The following TXNDC15 variants were observed in gnomAD, a reference collection of about 807,000 sequenced individuals.
The protein encoded by TXNDC15 is thioredoxin domain-containing protein 15.
Under a neutral mutation model 35.0 loss-of-function variants are expected in TXNDC15, and 24 were observed. The observed-to-expected ratio is 0.68, with a 90% confidence interval of 0.50 to 0.96. The LOEUF is 0.96. TXNDC15 is among the 40% of genes least tolerant of loss of function. The pLI is 0.00. For missense variants in TXNDC15, 385 were observed against 453.3 expected, an observed-to-expected ratio of 0.85 and a Z score of 1.37; for synonymous variants, 169 against 174.0, an observed-to-expected ratio of 0.97 and a Z score of 0.23.
chr5:134,875,463 C>T, intron 1 of TXNDC15: 1 of 444,712 alleles, frequency 2.2e-6, no homozygotes, highest in Non-Finnish European at 4.5e-6. Flanking sequence ...GTGCTCAGTG[C>T]TTTACGAGCA....
intron 1 of TXNDC15, among the ~76,000 whole-genome samples, chr5:134,876,187 T>C (rs1402722011): frequency 6.6e-6 from 1 of 152,160 alleles, no homozygotes; most frequent in African/African-American, 2.4e-5. Context: ...GGGTTGGATA[T>C]CTTCTGTTTC....
intron 3 of TXNDC15, among the ~76,000 whole-genome samples, chr5:134,895,622 A>G (rs557511906): frequency 1.3e-4 from 20 of 152,350 alleles, no homozygotes; most frequent in African/African-American, 4.1e-4. Context: ...CTGGTTATAC[A>G]CTATTACTAT....
At position 134,901,249 on chromosome 5, in the gene TXNDC15, C is replaced by T. The variant is rs1433908788; in HGVS notation, c.*1564C>T. Reference sequence around the variant, plus strand: ...ACCCTAAATTCTATAGAAATAAAACCTCAGATGAGTCTCCTTCTTAGAGTG... The same window carrying T: ...ACCCTAAATTCTATAGAAATAAAACTTCAGATGAGTCTCCTTCTTAGAGTG... On this transcript the variant is annotated 3_prime_UTR_variant, in exon 5 of 5. Transcript: ENST00000358387. The T allele has an allele frequency of 6.6e-6, 1 of 152,086 alleles. No homozygotes were observed. Among genetic ancestry groups the T allele is most frequent in the African/African-American group, 2.4e-5 (1 of 41,388 alleles). 9.4% of individuals were successfully genotyped at this position (152,086 alleles called of 1,614,324 possible). A position where few individuals can be genotyped will look rare whatever the true frequency, so the allele number is the denominator to read the frequency against.
At chr5:134,882,231 C>T (rs1302669087) in intron 1 of TXNDC15, among the ~76,000 whole-genome samples, 1 of 151,524 alleles carries the variant, frequency 6.6e-6, no homozygotes, top group Non-Finnish European at 1.5e-5. Context: ...GCGCTCCCCA[C>T]ATCTCAGACG....
intron 2 of TXNDC15, among the ~76,000 whole-genome samples, chr5:134,889,390 AT>A (rs1299097425): frequency 6.6e-6 from 1 of 152,032 alleles, no homozygotes; most frequent in Non-Finnish European, 1.5e-5. Flanking sequence ...CGCCTGGCTA[AT>A]TTTTGTATTT....
In TXNDC15 at chr5:134,874,456, C is replaced by A. The variant is rs769032888; in HGVS notation, c.29C>A (p.Pro10His). 11 of 1,604,680 alleles carry A rather than the reference C, an allele frequency of 6.9e-6. No individual in the cohort carries two copies. The East Asian group carries it at 2.5e-4, about 36-fold the overall frequency. MVPAAGRRP[P>H]RVMRLLGWWQ... ...GTCCCGGCTGCCGGTCGACGACCGC[C>A]CCGCGTCATGCGGCTCCTCGGCTGG... Residue 10 changes from proline (P) to histidine (H), a missense_variant, in exon 1 of 5, where the codon CCC (proline) becomes CAC (histidine). Coordinates refer to ENST00000358387, the MANE Select transcript of TXNDC15 (RefSeq NM_024715.4).
At chr5:134,890,220 A>G (rs1016075766) in intron 2 of TXNDC15, among the ~76,000 whole-genome samples, 1 of 150,968 alleles carries the variant, frequency 6.6e-6, no homozygotes, top group African/African-American at 2.4e-5. Flanking sequence ...TTTTTTGTAG[A>G]GATGAGGTCT....
intron 1 of TXNDC15, among the ~76,000 whole-genome samples, chr5:134,884,204 A>T (rs1488073504): frequency 7.2e-6 from 1 of 139,678 alleles, no homozygotes; most frequent in Non-Finnish European, 1.5e-5. Flanking sequence ...TGGACGATAG[A>T]GCAAGACTCA....
chr5:134,890,522 T>C (rs954243865), intron 2 of TXNDC15, among the ~76,000 whole-genome samples: 1 of 152,020 alleles, frequency 6.6e-6, no homozygotes, highest in Non-Finnish European at 1.5e-5. Context: ...ATTCTCCCAC[T>C]GCAGCCTCTC....
intron 2 of TXNDC15, among the ~76,000 whole-genome samples, chr5:134,889,532 G>A (rs1222697331): frequency 1.3e-5 from 2 of 152,182 alleles, no homozygotes; most frequent in African/African-American, 4.8e-5. Context: ...CTAGGACAGT[G>A]TACTCTTGAA....
At chr5:134,891,938 G>T (rs955391615) in intron 2 of TXNDC15, among the ~76,000 whole-genome samples, 1 of 151,892 alleles carries the variant, frequency 6.6e-6, no homozygotes, top group Non-Finnish European at 1.5e-5. Flanking sequence ...TAAATAATAA[G>T]ATTTATTGTT....
rs57805546 is a variant in TXNDC15 at position 134,879,794 on chromosome 5, C to CT, written c.103+5281dup. ...TTGCCACCTCTCCCTTCTTACCTGC[C>CT]TTTTTTTTTTTTTTTTTGGATACAG... On this transcript the variant is annotated intron_variant, in intron 1 of 4. Transcript: ENST00000358387. Among the ~76,000 whole-genome samples the CT allele has an allele frequency of 4.9e-3, 647 of 132,902 alleles. 8 individuals are homozygous for CT. The highest frequency in any genetic ancestry group is 0.03 in the East Asian group (143 of 4,752). 87.2% of individuals were successfully genotyped at this position (132,902 alleles called of 152,430 possible).
intron 2 of TXNDC15, 185 bp from the exon 3 acceptor site, chr5:134,893,307 A>G (rs1007712092): frequency 2.4e-5 from 14 of 575,366 alleles, no homozygotes; most frequent in Non-Finnish European, 3.6e-5. Flanking sequence ...TCATTTGATC[A>G]TACTTTTTTG....
chr5:134,882,390 C>T (rs1331518567), intron 1 of TXNDC15, among the ~76,000 whole-genome samples: 1 of 151,782 alleles, frequency 6.6e-6, no homozygotes, highest in Non-Finnish European at 1.5e-5. Context: ...CTCCTCACAT[C>T]CCAGACAATG....
intron 1 of TXNDC15, among the ~76,000 whole-genome samples, chr5:134,881,459 C>A (rs552187497): frequency 1.1e-5 from 1 of 88,562 alleles, no homozygotes; most frequent in Non-Finnish European, 2.2e-5. Context: ...ATCCATTTAA[C>A]CCTGAGTGGA....
At position 134,874,457 on chromosome 5, in the gene TXNDC15, C is replaced by T. The variant is rs1027656159; in HGVS notation, c.30C>T (p.Pro10=). MVPAAGRRP[P]RVMRLLGWWQ... is the part of the protein sequence containing the mutation. Reference sequence around the variant, plus strand: ...TCCCGGCTGCCGGTCGACGACCGCCCCGCGTCATGCGGCTCCTCGGCTGGT... The same window carrying T: ...TCCCGGCTGCCGGTCGACGACCGCCTCGCGTCATGCGGCTCCTCGGCTGGT... Residue 10 remains proline, a synonymous_variant, in exon 1 of 5, where the codon CCC becomes CCT. Transcript: ENST00000358387. The T allele has an allele frequency of 6.2e-7, 1 of 1,604,918 alleles. No homozygotes were observed. Among genetic ancestry groups the T allele is most frequent in the Non-Finnish European group, 8.5e-7 (1 of 1,177,728 alleles).
chr5:134,885,616 C>G (rs1199648937), intron 1 of TXNDC15, among the ~76,000 whole-genome samples: 1 of 152,200 alleles, frequency 6.6e-6, no homozygotes. Context: ...AGTATTCTGT[C>G]TTGCAAACTA....
intron 1 of TXNDC15, 144 bp downstream of exon 1, chr5:134,874,674 C>A: frequency 1.5e-6 from 1 of 655,914 alleles, no homozygotes; most frequent in Non-Finnish European, 2.4e-6. Flanking sequence ...CGACTTCTCT[C>A]CCCGCGCACC....
At chr5:134,896,233 T>C (rs1750485959) in intron 3 of TXNDC15, 61 bp from the exon 4 acceptor site, 2 of 1,552,868 alleles carry the variant, frequency 1.3e-6, no homozygotes, top group African/African-American at 2.8e-5. Flanking sequence ...GAGATGGTAA[T>C]TGTATGAGAA....
Sources: gnomAD v4.1 joint callset for allele counts (sites outside exome capture counted in the v4.1 genomes callset) on GRCh38, gnomAD v4.1.1 for gene constraint, MANE v1.5 for transcripts, NCBI Gene and HGNC (gene_info 2026-07-23, HGNC 2026-07-21) for gene names.